Variants in ACSS1 observed in about 807,000 individuals in gnomAD.
The protein encoded by ACSS1 is acyl-CoA synthetase short chain family member 1.
Under a neutral mutation model 75.3 loss-of-function variants are expected in ACSS1, and 42 were observed. The observed-to-expected ratio is 0.56, with a 90% CI of 0.44 to 0.72. The LOEUF (loss-of-function observed/expected upper bound fraction) is 0.72, where lower values mean the gene tolerates loss of function less well. ACSS1 is among the 30% of genes least tolerant of loss of function. The probability of loss-of-function intolerance (pLI) is 0.00; values close to 1 mark genes in which losing one functional copy is unlikely to be tolerated. For synonymous variants in ACSS1, 380 were observed against 376.8 expected, an observed-to-expected ratio of 1.01 and a Z score of -0.10; for missense variants, 782 against 935.7, an observed-to-expected ratio of 0.84 and a Z score of 2.14.
chr20:25,013,816 C>T, intron 9 of ACSS1, 145 bp downstream of exon 9: 2 of 1,324,172 alleles, frequency 1.5e-6, no homozygotes, highest in Admixed American at 2.1e-5. Context: ...CTACCCAGTG[C>T]ATGATACCAG....
At position 25,012,900 on chromosome 20, in the gene ACSS1, C is replaced by T. The variant is rs983740435; in HGVS notation, c.1619G>A (p.Gly540Asp). The stretch of plus-strand genomic sequence containing the variant: ...CCGCCCTGTGATCTGGTAATAGCCG[C>T]CCTCAGTTCGGTAAGCCCCGTCTCC... Reference protein sequence around the residue: ...FTGDGAYRTEGGYYQITGRMD... With the variant: ...FTGDGAYRTEDGYYQITGRMD... The change falls in exon 11 of 14, where the codon GGC (glycine) becomes GAC (aspartate). Residue 540 changes from glycine (G) to aspartate (D), a missense_variant. Physicochemically the swap from Gly to Asp is moderately conservative, Grantham distance 94. This residue lies in a region of ACSS1 where 405 missense variants were observed against 552.6 expected (regional missense o/e 0.73). Transcript: ENST00000323482. The T allele has an allele frequency of 1.2e-6, 2 of 1,614,200 alleles. No individual in the cohort carries two copies. Among genetic ancestry groups the T allele is most frequent in the South Asian group, 1.1e-5 (1 of 91,080 alleles).
At chr20:25,008,975 A>G (rs2088360273) in intron 13 of ACSS1, among the ~76,000 whole-genome samples, 1 of 152,130 alleles carries the variant, frequency 6.6e-6, no homozygotes, top group African/African-American at 2.4e-5. Flanking sequence ...CCTCCCAGAC[A>G]TGTGAGCTTA....
intron 1 of ACSS1, among the ~76,000 whole-genome samples, chr20:25,057,411 CCGCGGCTCCCCGCCGGCTCTTGCTCAG>C (rs2089257854): frequency 6.6e-6 from 1 of 152,214 alleles, no homozygotes; most frequent in Non-Finnish European, 1.5e-5. Context: ...CGGGTGTAGC[CCGCGGCTCCCCGCCGGCTCTTGCTCAG>C]CGGCGCTATG....
chr20:25,047,935 T>C (rs2089121273), intron 2 of ACSS1, 150 bp downstream of exon 2: 1 of 600,374 alleles, frequency 1.7e-6, no homozygotes, highest in African/African-American at 1.9e-5. Context: ...TCTGCTTGCG[T>C]TCACATTTAC....
chr20:25,056,615 C>A (rs1450106163), intron 1 of ACSS1, among the ~76,000 whole-genome samples: 2 of 152,146 alleles, frequency 1.3e-5, no homozygotes, highest in African/African-American at 4.8e-5. Flanking sequence ...CTCAGCCTAA[C>A]CTCTGAGCAT....
At chr20:25,051,577 C>G (rs1206770996) in intron 1 of ACSS1, among the ~76,000 whole-genome samples, 2 of 152,230 alleles carry the variant, frequency 1.3e-5, no homozygotes, top group Non-Finnish European at 2.9e-5. Flanking sequence ...TAACAAGATC[C>G]TAGTGATGCA....
intron 3 of ACSS1, among the ~76,000 whole-genome samples, chr20:25,024,331 G>A (rs970926177): frequency 3.9e-5 from 6 of 152,206 alleles, no homozygotes; most frequent in African/African-American, 7.2e-5. Flanking sequence ...AGGGGTGCAC[G>A]CACAGTGGGC....
At chr20:25,031,446 T>C (rs1600330013) in intron 2 of ACSS1, among the ~76,000 whole-genome samples, 1 of 152,232 alleles carries the variant, frequency 6.6e-6, no homozygotes, top group Admixed American at 6.5e-5. Context: ...ATTATAGGCA[T>C]GCTTTGATGT....
intron 13 of ACSS1, 35 bp from the exon 14 acceptor site, chr20:25,007,976 T>C: frequency 1.2e-6 from 2 of 1,607,888 alleles, no homozygotes; most frequent in Non-Finnish European, 1.7e-6. Flanking sequence ...AGAGCGTGGA[T>C]GGTGCCCAGC....
chr20:25,038,133 T>C (rs539809359), intron 2 of ACSS1, among the ~76,000 whole-genome samples: 1 of 152,310 alleles, frequency 6.6e-6, no homozygotes, highest in East Asian at 1.9e-4. Flanking sequence ...CTAGTAGTGA[T>C]GCCAGCTCAG....
intron 2 of ACSS1, among the ~76,000 whole-genome samples, chr20:25,035,564 C>G (rs2088897241): frequency 6.6e-6 from 1 of 152,156 alleles, no homozygotes; most frequent in Non-Finnish European, 1.5e-5. Flanking sequence ...CACCACCACA[C>G]CCAGCTAATT....
chr20:25,042,177 C>T (rs1198447671), intron 2 of ACSS1, among the ~76,000 whole-genome samples: 1 of 152,154 alleles, frequency 6.6e-6, no homozygotes, highest in Non-Finnish European at 1.5e-5. Context: ...TAAACTACGA[C>T]GTGCCAGGAC....
intron 2 of ACSS1, chr20:25,032,325 T>G: frequency 7.6e-7 from 1 of 1,310,268 alleles, no homozygotes; most frequent in Non-Finnish European, 9.8e-7. Flanking sequence ...TCAACCATAC[T>G]CAACTCCGGG....
chr20:25,021,587 G>A (rs2088626826), intron 5 of ACSS1, 51 bp from the exon 6 acceptor site: 4 of 1,593,052 alleles, frequency 2.5e-6, no homozygotes, highest in Non-Finnish European at 3.4e-6. Flanking sequence ...ACTCCACCAT[G>A]TTCACACCAG....
chr20:25,023,305 G>A (rs1230033634), intron 4 of ACSS1, among the ~76,000 whole-genome samples, 161 bp downstream of exon 4: 1 of 152,194 alleles, frequency 6.6e-6, no homozygotes, highest in East Asian at 1.9e-4. Flanking sequence ...TTGTCGTATA[G>A]GAGTTTTATC....
intron 2 of ACSS1, among the ~76,000 whole-genome samples, chr20:25,045,058 G>T (rs1454197030): frequency 1.3e-5 from 2 of 152,252 alleles, no homozygotes; most frequent in African/African-American, 4.8e-5. Flanking sequence ...GCTGAAAACA[G>T]CTCTAGAATC....
chr20:25,057,048 G>T (rs1018482847), intron 1 of ACSS1, among the ~76,000 whole-genome samples: 2 of 152,196 alleles, frequency 1.3e-5, no homozygotes, highest in African/African-American at 4.8e-5. Flanking sequence ...CCAAACAACT[G>T]ACCACCAGTC....
At position 25,006,861 on chromosome 20, in the gene ACSS1, T is replaced by TA. The variant is rs1260286749; in HGVS notation, c.*900dup. ...TGCCAGGATTTGGCTCTGACCAAGT[T>TA]AGTGCTCTAACAAGTCACCTGAGTT... On this transcript the variant is annotated 3_prime_UTR_variant, in exon 14 of 14. Coordinates refer to ENST00000323482, the MANE Select transcript of ACSS1 (RefSeq NM_032501.4). 2 of 1,535,382 alleles carry TA rather than the reference T, an allele frequency of 1.3e-6. No homozygotes were observed. The highest frequency in any genetic ancestry group is 2.0e-5 in the Admixed American group (1 of 50,970).
chr20:25,029,335 T>G (rs1398222352), intron 3 of ACSS1, among the ~76,000 whole-genome samples: 1 of 152,206 alleles, frequency 6.6e-6, no homozygotes, highest in African/African-American at 2.4e-5. Flanking sequence ...AGATACAACT[T>G]CATTCTTACT....
Sources: gnomAD v4.1 joint callset for allele counts (sites outside exome capture counted in the v4.1 genomes callset) on GRCh38, gnomAD v4.1.1 for gene constraint, gnomAD v4.1.1 regional missense constraint, MANE v1.5 for transcripts, NCBI Gene and HGNC (gene_info 2026-07-23, HGNC 2026-07-21) for gene names.